Variants in FUT8 observed in about 807,000 individuals in gnomAD.
FUT8 encodes fucosyltransferase 8.
FUT8 carries 29 observed loss-of-function variants against 71.3 expected under a neutral mutation model. That is an observed-to-expected ratio of 0.41 (90% CI 0.30 to 0.55). The LOEUF is 0.55. FUT8 is among the 20% of genes least tolerant of loss of function. The pLI is 0.34. For missense variants in FUT8, 544 were observed against 702.1 expected (o/e 0.77, Z 2.55); for synonymous variants, 254 against 239.3 (o/e 1.06, Z -0.57).
intron 7 of FUT8, among the ~76,000 whole-genome samples, chr14:65,714,349 T>G (rs1894949305): frequency 6.6e-6 from 1 of 152,170 alleles, no homozygotes; most frequent in Non-Finnish European, 1.5e-5. Context: ...GATAATGTGA[T>G]TCTTCTGGTT....
intron 7 of FUT8, among the ~76,000 whole-genome samples, chr14:65,700,108 T>A (rs1271212180): frequency 6.6e-6 from 1 of 152,208 alleles, no homozygotes; most frequent in Non-Finnish European, 1.5e-5. Context: ...GTTGTATATG[T>A]TGTTTCCTGT....
chr14:65,452,164 T>C (rs890783552), intron 1 of FUT8, among the ~76,000 whole-genome samples: 1 of 152,342 alleles, frequency 6.6e-6, no homozygotes, highest in East Asian at 1.9e-4. Context: ...GGATAACTTA[T>C]TGACATATAA....
In FUT8 at chr14:65,616,372, A is replaced by G; in HGVS notation, c.481A>G (p.Arg161Gly). ...EFLLDLGHHERSIMTDLYYLS... is the reference protein window; with the variant it reads ...EFLLDLGHHEGSIMTDLYYLS... ...TCTTTTGGATTTAGGACATCATGAA[A>G]GGTACTATTCTCCTTTCACATTTTA... is the stretch of plus-strand genomic sequence containing the variant. Residue 161 changes from arginine to glycine, a missense_variant and splice_region_variant, in exon 5 of 11, where the codon AGG (arginine) becomes GGG (glycine). By Grantham distance (125) the Arg-to-Gly change is moderately radical (BLOSUM62 -2). Coordinates refer to ENST00000673929, the MANE Select transcript of FUT8 (RefSeq NM_001371533.1). 3 of 1,588,400 alleles carry G rather than the reference A, an allele frequency of 1.9e-6. No homozygotes were observed. Among genetic ancestry groups the G allele is most frequent in the Non-Finnish European group, 2.6e-6 (3 of 1,169,292 alleles).
intron 6 of FUT8, among the ~76,000 whole-genome samples, chr14:65,630,286 A>G (rs564125597): frequency 1.1e-3 from 173 of 152,334 alleles, no homozygotes; most frequent in African/African-American, 3.8e-3. Context: ...AATAGAAAGT[A>G]TTGGTAAACA....
chr14:65,615,743 G>A (rs2140221769), intron 3 of FUT8, among the ~76,000 whole-genome samples: 1 of 152,286 alleles, frequency 6.6e-6, no homozygotes, highest in East Asian at 1.9e-4. Flanking sequence ...ACTCCTAGAA[G>A]ATCATAGATT....
intron 2 of FUT8, among the ~76,000 whole-genome samples, chr14:65,522,712 T>A (rs940021313): frequency 2.1e-5 from 3 of 140,378 alleles, no homozygotes; most frequent in Admixed American, 7.2e-5. Flanking sequence ...CCTAATGCTA[T>A]CCCTCCCCCC....
intron 2 of FUT8, among the ~76,000 whole-genome samples, chr14:65,496,738 A>G (rs916280248): frequency 3.3e-5 from 5 of 152,168 alleles, no homozygotes; most frequent in Non-Finnish European, 7.3e-5. Context: ...AGTTCTTCAT[A>G]GCAGTGTGAG....
At chr14:65,683,092 C>T (rs1480135017) in intron 7 of FUT8, among the ~76,000 whole-genome samples, 9 of 151,506 alleles carry the variant, frequency 5.9e-5, no homozygotes, top group Admixed American at 2.0e-4. Flanking sequence ...CGGCTCACTG[C>T]AACCTCCACC....
At chr14:65,431,453 GCATGCGT>G (rs1359567109) in intron 1 of FUT8, among the ~76,000 whole-genome samples, 1 of 151,904 alleles carries the variant, frequency 6.6e-6, no homozygotes, top group Non-Finnish European at 1.5e-5. Context: ...GGGACTACAG[GCATGCGT>G]CACCATACCC....
chr14:65,497,407 A>G (rs971823554), intron 2 of FUT8, among the ~76,000 whole-genome samples: 11 of 152,212 alleles, frequency 7.2e-5, no homozygotes, highest in Admixed American at 5.9e-4. Context: ...TCTGAGTCTG[A>G]ATCAGGATCT....
intron 7 of FUT8, among the ~76,000 whole-genome samples, chr14:65,693,743 T>G (rs1430490551): frequency 1.1e-4 from 17 of 152,250 alleles, no homozygotes. Flanking sequence ...TTCTATTTTC[T>G]GGAAGAAATT....
the FUT8 span, among the ~76,000 whole-genome samples, chr14:65,374,965 T>G: frequency 6.6e-6 from 1 of 152,060 alleles, no homozygotes; most frequent in African/African-American, 2.4e-5. Context: ...TGAATTTAGA[T>G]AAGGTCAGGG....
intron 6 of FUT8, among the ~76,000 whole-genome samples, chr14:65,663,878 A>T (rs1336855991): frequency 6.6e-6 from 1 of 152,142 alleles, no homozygotes; most frequent in Non-Finnish European, 1.5e-5. Context: ...TTAAATGCAG[A>T]TGTGAGTCTT....
rs558232939 is a variant in FUT8 at position 65,540,229 on chromosome 14, CT to C, written c.-227-21105del. 4.1e-3 allele frequency among the ~76,000 whole-genome samples: 624 copies of C among 152,260 alleles called. 1 individual carries two copies. The highest frequency in any genetic ancestry group is 0.01 in the Middle Eastern group (3 of 294). ...ATGATGCCCCTAAAGTTCATTTCCC[CT>C]TTCCTCTATAGTAATAGAACCCTGA... is the stretch of plus-strand genomic sequence containing the variant. On this transcript the variant is annotated intron_variant, in intron 2 of 10. Transcript: ENST00000673929.
the FUT8 span, among the ~76,000 whole-genome samples, chr14:65,390,389 A>T: frequency 8.6e-5 from 13 of 151,180 alleles, no homozygotes; most frequent in South Asian, 2.7e-3. Flanking sequence ...CAAATTGGTG[A>T]CACTGGTGCT....
chr14:65,656,713 C>T (rs1891699644), intron 6 of FUT8, among the ~76,000 whole-genome samples: 1 of 151,872 alleles, frequency 6.6e-6, no homozygotes, highest in Non-Finnish European at 1.5e-5. Flanking sequence ...AGAGGAATCA[C>T]ACTGCCTGAG....
intron 3 of FUT8, among the ~76,000 whole-genome samples, chr14:65,571,740 AAT>A (rs900046569): frequency 6.6e-6 from 1 of 151,590 alleles, no homozygotes; most frequent in Admixed American, 6.6e-5. Flanking sequence ...CCAAGACTTG[AAT>A]ATATATATAT....
chr14:65,612,681 C>T (rs1889061715), intron 3 of FUT8, among the ~76,000 whole-genome samples: 2 of 152,172 alleles, frequency 1.3e-5, no homozygotes, highest in African/African-American at 4.8e-5. Context: ...CCCCTCCATA[C>T]ACTGTGGTCT....
In FUT8 at chr14:65,722,085, A is replaced by G. The variant is rs942741924; in HGVS notation, c.1082+64A>G. The G allele has an allele frequency of 2.6e-6, 4 of 1,561,092 alleles. No homozygotes were observed. In the East Asian group the frequency reaches 6.7e-5, roughly 26 times the overall value. The stretch of plus-strand genomic sequence containing the variant: ...GTAGTTAGGGTTATGTATCTTTACA[A>G]TATATTGTGAATTTTACAATATGTA... On this transcript the variant is annotated intron_variant, in intron 8 of 10. Transcript: ENST00000673929.
Sources: allele counts gnomAD v4.1 joint callset (sites outside exome capture counted in the v4.1 genomes callset), GRCh38; gene constraint gnomAD v4.1.1; transcripts MANE v1.5; gene names NCBI Gene and HGNC (gene_info 2026-07-23, HGNC 2026-07-21).